Variants in DGKI observed in about 807,000 individuals in gnomAD.
DGKI encodes the protein diacylglycerol kinase iota, also known as DAG kinase iota.
DGKI carries 55 observed loss-of-function variants against 147.5 expected under a neutral mutation model. That is an observed-to-expected ratio of 0.37 (90% CI 0.30 to 0.47). DGKI has a LOEUF of 0.47. Ranked by LOEUF, DGKI falls within the 20% of genes least tolerant of loss-of-function variation. DGKI has a pLI of 1.00. For missense variants in DGKI, 1,007 were observed against 1,323.8 expected, an observed-to-expected ratio of 0.76 and a Z score of 3.71; for synonymous variants, 469 against 477.1, an observed-to-expected ratio of 0.98 and a Z score of 0.22.
chr7:137,790,359 G>A (rs1189614243), intron 1 of DGKI, among the ~76,000 whole-genome samples: 2 of 152,038 alleles, frequency 1.3e-5, no homozygotes, highest in African/African-American at 2.4e-5. Flanking sequence ...TCCGAAGACT[G>A]ACTCTGGATA....
intron 1 of DGKI, among the ~76,000 whole-genome samples, chr7:137,811,119 T>C (rs1797554246): frequency 6.6e-6 from 1 of 152,132 alleles, no homozygotes; most frequent in Non-Finnish European, 1.5e-5. Flanking sequence ...TATTGGAAGA[T>C]GCAGTGATAA....
At chr7:137,578,245 A>G (rs774466465) in intron 16 of DGKI, 25 bp downstream of exon 16, 1 of 1,538,220 alleles carries the variant, frequency 6.5e-7, no homozygotes, top group South Asian at 1.1e-5. Flanking sequence ...ATATGTAGTA[A>G]TTATGAAATA....
chr7:137,752,358 G>T (rs923414197), intron 1 of DGKI, among the ~76,000 whole-genome samples: 5 of 152,148 alleles, frequency 3.3e-5, no homozygotes, highest in African/African-American at 4.8e-5. Context: ...GAAAAGGAAG[G>T]CCTCATATTT....
At chr7:137,777,550 C>G (rs530567631) in intron 1 of DGKI, among the ~76,000 whole-genome samples, 8 of 152,338 alleles carry the variant, frequency 5.3e-5, no homozygotes, top group Middle Eastern at 3.4e-3. Flanking sequence ...TCAAGAGCTG[C>G]TTAATTTTTG....
In DGKI at chr7:137,746,619, A is replaced by G. The variant is rs533122091; in HGVS notation, c.402-56617T>C. On this transcript the variant is annotated intron_variant, in intron 1 of 32. Transcript: ENST00000614521. ...GAAATAGGGCAAACCATTTGGGTCT[A>G]GGTGCTCAAGCATGCACAGGCTTGA... Among the ~76,000 whole-genome samples the G allele has an allele frequency of 2.6e-5, 4 of 152,268 alleles. No individual in the cohort carries two copies. In the East Asian group the frequency reaches 7.7e-4, roughly 29 times the overall value.
chr7:137,772,651 A>C (rs1796241053), intron 1 of DGKI, among the ~76,000 whole-genome samples: 1 of 152,246 alleles, frequency 6.6e-6, no homozygotes, highest in Admixed American at 6.5e-5. Flanking sequence ...AATTCAAAAA[A>C]AAAGAAGAAG....
chr7:137,694,131 C>T (rs893512147), intron 1 of DGKI, among the ~76,000 whole-genome samples: 4 of 152,050 alleles, frequency 2.6e-5, no homozygotes, highest in Non-Finnish European at 5.9e-5. Flanking sequence ...ACCATCCTGG[C>T]TAACACGGTG....
chr7:137,597,070 C>A (rs1251186832), intron 12 of DGKI, among the ~76,000 whole-genome samples: 1 of 152,122 alleles, frequency 6.6e-6, no homozygotes, highest in Non-Finnish European at 1.5e-5. Context: ...GCATAATAAA[C>A]AGGAGAAAAT....
At chr7:137,584,229 T>G (rs1033285218) in intron 14 of DGKI, among the ~76,000 whole-genome samples, 6 of 152,152 alleles carry the variant, frequency 3.9e-5, no homozygotes, top group Non-Finnish European at 8.8e-5. Context: ...AATCAGAATC[T>G]CTGGTGACTG....
chr7:137,397,466 A>G (rs1417543226), intron 30 of DGKI, 53 bp from the exon 31 acceptor site: 2 of 1,559,438 alleles, frequency 1.3e-6, no homozygotes, highest in Admixed American at 1.7e-5. Context: ...AAAACTAAAC[A>G]TTAACAGAAA....
chr7:137,607,090 G>A (rs1820209843), intron 10 of DGKI, among the ~76,000 whole-genome samples: 1 of 152,188 alleles, frequency 6.6e-6, no homozygotes, highest in South Asian at 2.1e-4. Flanking sequence ...ACAAGAATTT[G>A]CTGAACAGGA....
chr7:137,526,755 A>G (rs1817160112), intron 20 of DGKI, among the ~76,000 whole-genome samples: 1 of 152,008 alleles, frequency 6.6e-6, no homozygotes, highest in Non-Finnish European at 1.5e-5. Flanking sequence ...TTCTTTTTCA[A>G]TTGTTCCCAT....
At chr7:137,401,423 A>G (rs1012208890) in intron 30 of DGKI, among the ~76,000 whole-genome samples, 2 of 151,816 alleles carry the variant, frequency 1.3e-5, no homozygotes, top group Non-Finnish European at 2.9e-5. Flanking sequence ...CCCAGCTACT[A>G]GGGAGGCTAA....
intron 28 of DGKI, among the ~76,000 whole-genome samples, chr7:137,413,222 C>T (rs142141250): frequency 1.4e-5 from 2 of 147,360 alleles, no homozygotes; most frequent in South Asian, 2.1e-4. Context: ...GCGGAGATCG[C>T]GCCACTGCCC....
intron 27 of DGKI, chr7:137,452,781 A>C (rs1814024589): frequency 6.6e-6 from 1 of 152,216 alleles, no homozygotes; most frequent in Non-Finnish European, 1.5e-5. Flanking sequence ...TCCTGACCAC[A>C]GCCCTGAGAG....
intron 5 of DGKI, among the ~76,000 whole-genome samples, chr7:137,651,328 G>C (rs1822019194): frequency 6.6e-6 from 1 of 152,088 alleles, no homozygotes. Flanking sequence ...GGATGGATTT[G>C]AAATATATTT....
At chr7:137,837,482 G>A (rs1798418460) in intron 1 of DGKI, among the ~76,000 whole-genome samples, 2 of 152,216 alleles carry the variant, frequency 1.3e-5, no homozygotes, top group Non-Finnish European at 2.9e-5. Context: ...GTAGGCTGGT[G>A]TTTATGTCCT....
intron 3 of DGKI, among the ~76,000 whole-genome samples, chr7:137,675,980 T>C (rs1231563069): frequency 2.0e-5 from 3 of 152,196 alleles, no homozygotes; most frequent in Non-Finnish European, 2.9e-5. Flanking sequence ...AACATTTCTT[T>C]ACAACAAGCT....
chr7:137,391,667 C>T lies in DGKI; in HGVS notation c.3058-331G>A, dbSNP rs539058817. Among the ~76,000 whole-genome samples, 111 of 152,124 alleles carry T rather than the reference C, an allele frequency of 7.3e-4. 2 individuals are homozygous for T. Among genetic ancestry groups the T allele is most frequent in the Admixed American group, 1.8e-3 (28 of 15,268 alleles). On this transcript the variant is annotated intron_variant, in intron 32 of 32. Transcript: ENST00000614521. ...TACAGAAGGAAACAGTGGGGTAAAG[C>T]GAGTTTTGAAACCCAGAGCCTTTCT...
Sources: gnomAD v4.1 joint callset for allele counts (sites outside exome capture counted in the v4.1 genomes callset) on GRCh38, gnomAD v4.1.1 for gene constraint, MANE v1.5 for transcripts, NCBI Gene and HGNC (gene_info 2026-07-23, HGNC 2026-07-21) for gene names.